Variants in SMIM23 observed in about 807,000 individuals in gnomAD.
SMIM23 encodes the protein CTB-78H18.1.
Under a neutral mutation model 12.8 loss-of-function variants are expected in SMIM23, and 10 were observed. That is an observed-to-expected ratio of 0.78 (90% CI 0.48 to 1.32). SMIM23 has a LOEUF of 1.32. SMIM23 is among the 40% of genes most tolerant of loss of function. The pLI is 0.00. For missense variants in SMIM23, 184 were observed against 198.2 expected (o/e 0.93, Z 0.43); for synonymous variants, 78 against 80.1 (o/e 0.97, Z 0.14).
At chr5:171,774,252 C>G in the SMIM23 span, 2 of 374,312 alleles carry the variant, frequency 5.3e-6, no homozygotes, top group African/African-American at 4.2e-5. Flanking sequence ...CACTCTCCAC[C>G]CTGGCCCATC....
At chr5:171,777,614 T>C (rs973444666), upstream of SMIM23, among the ~76,000 whole-genome samples, 1 of 152,218 alleles carries the variant, frequency 6.6e-6, no homozygotes, top group Non-Finnish European at 1.5e-5. Context: ...ACTGAGCTTC[T>C]ACTCAGTGGC....
chr5:171,785,051 C>T (rs966289086), upstream of SMIM23, among the ~76,000 whole-genome samples: 1 of 152,142 alleles, frequency 6.6e-6, no homozygotes, highest in Non-Finnish European at 1.5e-5. Context: ...GGTCGGGAGG[C>T]AGCAGCCATC....
intron 2 of SMIM23, 85 bp from the exon 3 acceptor site, chr5:171,790,397 C>T: frequency 6.7e-7 from 1 of 1,500,952 alleles, no homozygotes; most frequent in Non-Finnish European, 9.0e-7. Context: ...TCCCACTGAC[C>T]CTTCATCACA....
chr5:171,787,847 A>T (rs1345864621), intron 1 of SMIM23, among the ~76,000 whole-genome samples: 1 of 152,200 alleles, frequency 6.6e-6, no homozygotes, highest in East Asian at 1.9e-4. Flanking sequence ...ATTTCATGTA[A>T]ATGGAATCAT....
the SMIM23 span, chr5:171,774,826 G>C: frequency 1.7e-5 from 6 of 354,868 alleles, no homozygotes; most frequent in Admixed American, 3.8e-5. Context: ...AGGTCTGTGG[G>C]AGCCTTGTCT....
intron 3 of SMIM23, 116 bp from the exon 4 acceptor site, chr5:171,790,679 C>T (rs557281207): frequency 1.8e-5 from 25 of 1,372,082 alleles, no homozygotes; most frequent in African/African-American, 7.2e-5. Flanking sequence ...ACAGGTACTA[C>T]GAGCACAATG....
chr5:171,790,912 G>A lies in SMIM23; in HGVS notation c.343G>A (p.Glu115Lys). The A allele has an allele frequency of 6.5e-7, 1 of 1,536,148 alleles. No individual in the cohort carries two copies. The highest frequency in any genetic ancestry group is 8.7e-7 in the Non-Finnish European group (1 of 1,146,922). The change falls in exon 4 of 4, where the codon GAG (glutamate) becomes AAG (lysine). Residue 115 changes from glutamate to lysine, a missense_variant. Physicochemically the swap from Glu to Lys is moderately conservative, Grantham distance 56 (BLOSUM62 1). Coordinates refer to ENST00000523047, the MANE Select transcript of SMIM23 (RefSeq NM_001289970.2). ...GTTAGAGGAAGAGGTGCAGCAGCTG[G>A]AGCAGCTAGCGTGGGACCTGGAACT... ...EKLEEEVQQL[E>K]QLAWDLELWL...
chr5:171,779,899 G>C (rs931213017), upstream of SMIM23, among the ~76,000 whole-genome samples: 2 of 151,982 alleles, frequency 1.3e-5, no homozygotes, highest in Non-Finnish European at 2.9e-5. Context: ...ACTACCTGAG[G>C]TTCCAGTTTG....
upstream of SMIM23, among the ~76,000 whole-genome samples, chr5:171,781,315 T>C (rs773308769): frequency 9.2e-5 from 14 of 152,316 alleles, 1 homozygote; most frequent in South Asian, 2.1e-4. Context: ...TCTCTCTGTC[T>C]GCCACATGTA....
chr5:171,778,318 T>C (rs1446178366), upstream of SMIM23, among the ~76,000 whole-genome samples: 14 of 151,256 alleles, frequency 9.3e-5, no homozygotes, highest in Non-Finnish European at 1.3e-4. Context: ...GATCATGCCA[T>C]TGCACTCCAG....
At chr5:171,773,960 T>A in the SMIM23 span, 2 of 401,748 alleles carry the variant, frequency 5.0e-6, no homozygotes, top group African/African-American at 4.2e-5. Flanking sequence ...CCTTGAATGG[T>A]GAGTAGAATT....
rs1175792341 is a variant in SMIM23 at position 171,788,868 on chromosome 5, C to A, written c.106-1362C>A. Among the ~76,000 whole-genome samples, 31 of 152,192 alleles carry A rather than the reference C, an allele frequency of 2.0e-4. 1 individual carries two copies. The highest frequency in any genetic ancestry group is 2.4e-4 in the Non-Finnish European group (16 of 68,024). ...AAAAAAATTTTTTTTGAGACAGATT[C>A]TTGCTCTGTCACCCAGACTGGAGTG... On this transcript the variant is annotated intron_variant, in intron 1 of 3. Coordinates refer to ENST00000523047, the MANE Select transcript of SMIM23 (RefSeq NM_001289970.2).
the SMIM23 span, among the ~76,000 whole-genome samples, chr5:171,776,643 G>A: frequency 1.3e-5 from 2 of 152,208 alleles, no homozygotes; most frequent in Non-Finnish European, 2.9e-5. Context: ...CCCATGTACA[G>A]AGCATGCTTA....
chr5:171,785,896 A>G lies in SMIM23; in HGVS notation c.25A>G (p.Arg9Gly), dbSNP rs1755808066. MATQQVDSRRQVAAEQVAA... is the reference protein window; with the variant it reads MATQQVDSGRQVAAEQVAA... ...CATGGCAACCCAGCAAGTGGACAGC[A>G]GAAGGCAGGTGGCAGCAGAGCAGGT... Residue 9 changes from arginine (R) to glycine (G), a missense_variant, in exon 1 of 4, where the codon AGA becomes GGA. Transcript: ENST00000523047. 1 of 1,536,192 alleles carries G rather than the reference A, an allele frequency of 6.5e-7. No homozygotes were observed. The highest frequency in any genetic ancestry group is 1.4e-5 in the African/African-American group (1 of 73,072).
chr5:171,790,645 G>A (rs1055506039), intron 3 of SMIM23, 96 bp downstream of exon 3: 4 of 1,388,410 alleles, frequency 2.9e-6, no homozygotes, highest in Non-Finnish European at 3.0e-6. Flanking sequence ...ATAAGTAGTC[G>A]CTTGTCAAGT....
At chr5:171,783,183 G>GCATA (rs1365664461), upstream of SMIM23, among the ~76,000 whole-genome samples, 3 of 152,202 alleles carry the variant, frequency 2.0e-5, no homozygotes, top group Non-Finnish European at 4.4e-5. Flanking sequence ...AAATGAAGAA[G>GCATA]CATACTGTGT....
At chr5:171,790,109 GTT>G in intron 1 of SMIM23, 119 bp from the exon 2 acceptor site, 1 of 976,810 alleles carries the variant, frequency 1.0e-6, no homozygotes, top group East Asian at 2.6e-5. Context: ...TAGAACAAAA[GTT>G]AAACTCAAAA....
Position 171,785,824 on chromosome 5 carries a change from C to T in SMIM23, c.-48C>T. Reference sequence around the variant, plus strand: ...CACAGGTGGGGGAGGGGAAGGGTGCCCTTCTGTCTGTTGAGTGTGGTCCAC... The same window carrying T: ...CACAGGTGGGGGAGGGGAAGGGTGCTCTTCTGTCTGTTGAGTGTGGTCCAC... On this transcript the variant is annotated 5_prime_UTR_variant, in exon 1 of 4. Coordinates refer to ENST00000523047, the MANE Select transcript of SMIM23 (RefSeq NM_001289970.2). 2 of 1,449,274 alleles carry T rather than the reference C, an allele frequency of 1.4e-6. No individual in the cohort carries two copies. The highest frequency in any genetic ancestry group is 1.9e-6 in the Non-Finnish European group (2 of 1,067,782). 89.8% of individuals were successfully genotyped at this position (1,449,274 alleles called of 1,614,324 possible).
upstream of SMIM23, among the ~76,000 whole-genome samples, chr5:171,778,579 C>A (rs1477693758): frequency 6.6e-6 from 1 of 152,018 alleles, no homozygotes; most frequent in Non-Finnish European, 1.5e-5. Flanking sequence ...GGAATGCTGG[C>A]AGCCACAGAT....
Sources: gnomAD v4.1 joint callset for allele counts (sites outside exome capture counted in the v4.1 genomes callset) on GRCh38, gnomAD v4.1.1 for gene constraint, MANE v1.5 for transcripts, NCBI Gene and HGNC (gene_info 2026-07-23, HGNC 2026-07-21) for gene names.